The following ITSN1 variants were observed in gnomAD, a reference collection of about 807,000 sequenced individuals.
The protein encoded by ITSN1 is intersectin-1.
In ITSN1, 58 loss-of-function variants were observed where a neutral mutation model predicts 239.8. That is an observed-to-expected ratio of 0.24 (90% CI 0.20 to 0.30). The LOEUF is 0.30. ITSN1 is among the 10% of genes least tolerant of loss of function. The probability of loss-of-function intolerance (pLI) is 1.00; values close to 1 mark genes in which losing one functional copy is unlikely to be tolerated. For synonymous variants in ITSN1, 780 were observed against 770.8 expected (o/e 1.01, Z -0.20); for missense variants, 1,558 against 2,103.3 (o/e 0.74, Z 5.07).
chr21:33,779,650 T>G (rs2069989034), intron 14 of ITSN1, among the ~76,000 whole-genome samples: 1 of 152,222 alleles, frequency 6.6e-6, no homozygotes, highest in Non-Finnish European at 1.5e-5. Flanking sequence ...GAAATCCTGA[T>G]CATTGTGGAT....
chr21:33,836,349 A>T, intron 28 of ITSN1, 92 bp from the exon 29 acceptor site: 1 of 910,290 alleles, frequency 1.1e-6, no homozygotes. Flanking sequence ...AAAGGACAGA[A>T]ATAGTAGCTG....
At chr21:33,872,556 G>T (rs893673358) in intron 33 of ITSN1, among the ~76,000 whole-genome samples, 1 of 152,004 alleles carries the variant, frequency 6.6e-6, no homozygotes, top group Non-Finnish European at 1.5e-5. Context: ...TTTTGAGACA[G>T]AGTCTCGCTC....
Position 33,882,408 on chromosome 21 carries a change from A to G in ITSN1, c.4507A>G (p.Lys1503Glu), listed in dbSNP as rs1178947112. 3.1e-6 allele frequency: 5 copies of G among 1,614,160 alleles called. No homozygotes were observed. Among genetic ancestry groups the G allele is most frequent in the Non-Finnish European group, 4.2e-6 (5 of 1,180,038 alleles). ...GCCTTTGGGGTCTTCTGGCACCGAC[A>G]AAGTCTTCAGCCCCAAATCAAACCT... is the stretch of plus-strand genomic sequence containing the variant. ...TKPLGSSGTD[K>E]VFSPKSNLQY... is the part of the protein sequence containing the mutation. Residue 1503 changes from lysine to glutamate, a missense_variant, in exon 35 of 40, where the codon AAA (lysine) becomes GAA (glutamate). By Grantham distance (56) the Lys-to-Glu change is moderately conservative (BLOSUM62 1). This residue lies in a region of ITSN1 where 576 missense variants were observed against 893.3 expected (regional missense o/e 0.64). Transcript: ENST00000381318. This position sits in a 1 kb window ranked among gnomAD's most constrained non-coding sequence, Gnocchi z 4.5.
chr21:33,668,458 G>C (rs1222071769), intron 1 of ITSN1, among the ~76,000 whole-genome samples: 3 of 152,108 alleles, frequency 2.0e-5, no homozygotes, highest in Non-Finnish European at 2.9e-5. Flanking sequence ...TCTGCACTGG[G>C]GCTGAAGGAC....
At chr21:33,671,566 T>C (rs1170227963) in intron 1 of ITSN1, among the ~76,000 whole-genome samples, 1 of 152,142 alleles carries the variant, frequency 6.6e-6, no homozygotes, top group South Asian at 2.1e-4. Flanking sequence ...CTGTTTTGTT[T>C]TTTTAAGTTG....
intron 20 of ITSN1, among the ~76,000 whole-genome samples, chr21:33,809,146 A>G (rs1407262349): frequency 3.9e-5 from 6 of 152,236 alleles, no homozygotes; most frequent in African/African-American, 9.6e-5. Flanking sequence ...AAAGAACAGT[A>G]AGAACAAAAC....
At chr21:33,730,876 A>G (rs549760532) in intron 4 of ITSN1, among the ~76,000 whole-genome samples, 4 of 150,916 alleles carry the variant, frequency 2.7e-5, no homozygotes, top group East Asian at 2.0e-4. Flanking sequence ...TTGTGTTTTT[A>G]GTAGAGACAG....
chr21:33,747,796 A>G (rs1234486870), intron 5 of ITSN1, among the ~76,000 whole-genome samples: 1 of 152,250 alleles, frequency 6.6e-6, no homozygotes, highest in African/African-American at 2.4e-5. Context: ...GAGAGAATTC[A>G]TTGCTACTAG....
At chr21:33,802,904 G>A (rs940320370) in intron 20 of ITSN1, among the ~76,000 whole-genome samples, 1 of 152,132 alleles carries the variant, frequency 6.6e-6, no homozygotes, top group African/African-American at 2.4e-5. Flanking sequence ...AAATGTCTAT[G>A]TTTCAAAATA....
At chr21:33,885,207 A>G in intron 37 of ITSN1, 84 bp downstream of exon 37, 1 of 1,226,832 alleles carries the variant, frequency 8.2e-7, no homozygotes, top group Non-Finnish European at 1.2e-6. Flanking sequence ...TCAGAATAGA[A>G]GAATCCCCTG....
chr21:33,647,778 G>C (rs565415910), intron 1 of ITSN1, among the ~76,000 whole-genome samples: 1 of 152,260 alleles, frequency 6.6e-6, no homozygotes, highest in South Asian at 2.1e-4. Context: ...TCACAGGCGT[G>C]AGCCACCACA....
intron 18 of ITSN1, among the ~76,000 whole-genome samples, chr21:33,799,173 T>C (rs955459041): frequency 3.3e-5 from 5 of 152,250 alleles, no homozygotes; most frequent in African/African-American, 1.2e-4. Context: ...TGTGCATTTT[T>C]AAACATTTTA....
At chr21:33,703,041 G>A (rs1259648189) in intron 1 of ITSN1, among the ~76,000 whole-genome samples, 2 of 151,690 alleles carry the variant, frequency 1.3e-5, no homozygotes, top group African/African-American at 4.8e-5. Flanking sequence ...AGCCGAGATC[G>A]CACCACTGCA....
chr21:33,799,199 A>G (rs2071790919), intron 18 of ITSN1, among the ~76,000 whole-genome samples: 3 of 152,224 alleles, frequency 2.0e-5, no homozygotes, highest in Admixed American at 2.0e-4. Flanking sequence ...TGTAAAATCT[A>G]AATTATTTTC....
chr21:33,762,200 A>C (rs2068385644), intron 9 of ITSN1, among the ~76,000 whole-genome samples: 1 of 152,124 alleles, frequency 6.6e-6, no homozygotes, highest in Admixed American at 6.5e-5. Flanking sequence ...ATTCTGAAGG[A>C]GTGATAATAC....
chr21:33,805,411 C>G (rs535824644), intron 20 of ITSN1, among the ~76,000 whole-genome samples: 1 of 152,178 alleles, frequency 6.6e-6, no homozygotes, highest in South Asian at 2.1e-4. Context: ...CATAGATTTC[C>G]ATAGATTAAA....
chr21:33,843,057 A>G (rs564511976), intron 29 of ITSN1, among the ~76,000 whole-genome samples: 2 of 152,224 alleles, frequency 1.3e-5, no homozygotes, highest in East Asian at 3.9e-4. Context: ...TTCTCTGCGG[A>G]TTATTCAGTG....
intron 26 of ITSN1, among the ~76,000 whole-genome samples, chr21:33,827,545 T>C (rs1250465402): frequency 1.3e-5 from 2 of 152,212 alleles, no homozygotes; most frequent in African/African-American, 4.8e-5. Flanking sequence ...CCTTTTTCAT[T>C]TCATAACAAT....
intron 14 of ITSN1, among the ~76,000 whole-genome samples, chr21:33,775,713 A>G (rs1036767051): frequency 2.0e-5 from 3 of 151,930 alleles, no homozygotes; most frequent in African/African-American, 4.8e-5. Flanking sequence ...GCTGGATCAC[A>G]CAGAACCTGT....
Sources: gnomAD v4.1 joint callset for allele counts (sites outside exome capture counted in the v4.1 genomes callset) on GRCh38, gnomAD v4.1.1 for gene constraint, gnomAD v4.1.1 regional missense constraint, Gnocchi (gnomAD v3.1) non-coding constraint, MANE v1.5 for transcripts, NCBI Gene and HGNC (gene_info 2026-07-23, HGNC 2026-07-21) for gene names.